Variants in SMAP1 observed in about 807,000 individuals in gnomAD.
The protein encoded by SMAP1 is small ArfGAP 1, also known as stromal membrane-associated protein 1.
A neutral mutation model predicts 58.5 loss-of-function variants in SMAP1; 24 were observed. The ratio of observed to expected loss-of-function variants is 0.41; its 90% CI spans 0.30 to 0.58. The LOEUF is 0.58. Ranked by LOEUF, SMAP1 falls within the 20% of genes least tolerant of loss-of-function variation. The pLI is 0.29. For missense variants in SMAP1, 563 were observed against 566.3 expected (o/e 0.99, Z 0.06); for synonymous variants, 216 against 196.6 (o/e 1.10, Z -0.82).
At position 70,838,650 on chromosome 6, in the gene SMAP1, C is replaced by A. The variant is rs146360174; in HGVS notation, c.664+1622C>A. Among the ~76,000 whole-genome samples, 276 of 151,598 alleles carry A rather than the reference C, an allele frequency of 1.8e-3. 1 individual carries two copies. The highest frequency in any genetic ancestry group is 6.0e-3 in the African/African-American group (249 of 41,270). On this transcript the variant is annotated intron_variant, in intron 7 of 10. Coordinates refer to ENST00000370455, the MANE Select transcript of SMAP1 (RefSeq NM_001044305.3). ...GCAAAGGCTCTTCAGTAGGAGCCTA[C>A]TTGAAGTGTGCAAGGACCAGCAAGG...
intron 2 of SMAP1, among the ~76,000 whole-genome samples, chr6:70,748,136 G>T (rs1766124394): frequency 6.6e-6 from 1 of 152,132 alleles, no homozygotes; most frequent in African/African-American, 2.4e-5. Context: ...TTGCTCCTAT[G>T]CAAGAAATCC....
intron 4 of SMAP1, among the ~76,000 whole-genome samples, chr6:70,787,178 T>C (rs1440708720): frequency 6.6e-6 from 1 of 152,140 alleles, no homozygotes; most frequent in African/African-American, 2.4e-5. Flanking sequence ...TTGACAAACC[T>C]GACAAAAGGA....
At chr6:70,769,056 C>T (rs183959229) in intron 3 of SMAP1, among the ~76,000 whole-genome samples, 4 of 152,206 alleles carry the variant, frequency 2.6e-5, no homozygotes, top group Admixed American at 2.6e-4. Flanking sequence ...TGTAGCTGAG[C>T]AGTTTTGAGT....
In SMAP1 at chr6:70,860,681, C is replaced by G. The variant is rs1349098541; in HGVS notation, c.*347C>G. On this transcript the variant is annotated 3_prime_UTR_variant, in exon 11 of 11. Coordinates refer to ENST00000370455, the MANE Select transcript of SMAP1 (RefSeq NM_001044305.3). ...AGTAGTTATCATGTTAGTAATACCTCTAATAGTATAAACCCCACCCCAAAA... is the reference window on the plus strand; with the variant it reads ...AGTAGTTATCATGTTAGTAATACCTGTAATAGTATAAACCCCACCCCAAAA... 2.4e-6 allele frequency: 1 copy of G among 409,900 alleles called. No homozygotes were observed. Among genetic ancestry groups the G allele is most frequent in the Non-Finnish European group, 4.3e-6 (1 of 232,500 alleles). The allele number at this position is 409,900 out of a possible 1,614,324, so 25.4% of individuals were successfully genotyped here.
At chr6:70,678,142 G>A (rs1379431748) in intron 1 of SMAP1, among the ~76,000 whole-genome samples, 3 of 152,162 alleles carry the variant, frequency 2.0e-5, no homozygotes, top group South Asian at 2.1e-4. Context: ...TTGAGGGTCC[G>A]AAGGAAAGAG....
intron 7 of SMAP1, chr6:70,837,869 A>T (rs7748778): frequency 0.07 from 87,288 of 1,247,464 alleles, 6,628 homozygotes; most frequent in East Asian, 0.49. Context: ...CAAAAAATTG[A>T]TCCTAGTTGT....
At chr6:70,859,341 G>A in intron 10 of SMAP1, 1 of 1,548,666 alleles carries the variant, frequency 6.5e-7, no homozygotes, top group Non-Finnish European at 8.7e-7. Context: ...AATGCAGAAG[G>A]GTGATGCTGT....
chr6:70,755,852 G>A (rs559382641), intron 3 of SMAP1, among the ~76,000 whole-genome samples: 3 of 151,946 alleles, frequency 2.0e-5, no homozygotes, highest in African/African-American at 7.2e-5. Context: ...TTTATGTGAG[G>A]CATTGTGGCA....
chr6:70,700,942 C>T (rs1185931368), intron 1 of SMAP1, among the ~76,000 whole-genome samples: 2 of 152,176 alleles, frequency 1.3e-5, no homozygotes, highest in Non-Finnish European at 2.9e-5. Context: ...GAGCTAGGTC[C>T]TGGAATGGGG....
At chr6:70,852,739 G>A in intron 8 of SMAP1, 75 bp downstream of exon 8, 1 of 1,420,468 alleles carries the variant, frequency 7.0e-7, no homozygotes, top group Non-Finnish European at 9.3e-7. Context: ...TTCAATTTTG[G>A]AAGAATTGTT....
At chr6:70,721,805 T>C (rs964848708) in intron 1 of SMAP1, among the ~76,000 whole-genome samples, 4 of 152,110 alleles carry the variant, frequency 2.6e-5, no homozygotes, top group Admixed American at 6.6e-5. Flanking sequence ...GAAGCAAAAG[T>C]GGGAACCCCT....
At chr6:70,717,649 T>A (rs748501167) in intron 1 of SMAP1, among the ~76,000 whole-genome samples, 2 of 152,216 alleles carry the variant, frequency 1.3e-5, no homozygotes, top group Non-Finnish European at 2.9e-5. Context: ...TATTCAGTAC[T>A]TCTGTGGGAG....
At chr6:70,723,284 A>G (rs1447325069) in intron 1 of SMAP1, among the ~76,000 whole-genome samples, 1 of 152,150 alleles carries the variant, frequency 6.6e-6, no homozygotes, top group Non-Finnish European at 1.5e-5. Flanking sequence ...ATGCCATTGC[A>G]CCAGGCTTTC....
chr6:70,772,216 G>C (rs1047979042), intron 3 of SMAP1, among the ~76,000 whole-genome samples: 3 of 152,130 alleles, frequency 2.0e-5, no homozygotes, highest in African/African-American at 7.2e-5. Flanking sequence ...CATCAGTGTC[G>C]TAAGAAAACA....
At chr6:70,850,955 A>G (rs1771160523) in intron 7 of SMAP1, among the ~76,000 whole-genome samples, 1 of 152,190 alleles carries the variant, frequency 6.6e-6, no homozygotes. Context: ...ATTTTCATGT[A>G]TGAGTCTTAA....
In SMAP1 at chr6:70,857,998, C is replaced by T. The variant is rs772991391; in HGVS notation, c.1038C>T (p.Gly346=). The change falls in exon 10 of 11, where the codon GGC becomes GGT. Residue 346 remains glycine, a synonymous_variant. Coordinates refer to ENST00000370455, the MANE Select transcript of SMAP1 (RefSeq NM_001044305.3). The part of the protein sequence containing the change: ...PAAFQGFPSM[G]VPVPAAPGLI... Reference sequence around the variant, plus strand: ...CATTTCAGGGCTTTCCATCGATGGGCGTGCCTGTGCCTGCAGCTCCTGGCC... The same window carrying T: ...CATTTCAGGGCTTTCCATCGATGGGTGTGCCTGTGCCTGCAGCTCCTGGCC... 1.6e-5 allele frequency: 26 copies of T among 1,613,980 alleles called. No homozygotes were observed. Among genetic ancestry groups the T allele is most frequent in the Non-Finnish European group, 1.9e-5 (23 of 1,180,016 alleles).
intron 1 of SMAP1, among the ~76,000 whole-genome samples, chr6:70,723,483 T>TCCTTCAGATCACTGGTCAAATAGAA (rs1768622057): frequency 6.6e-6 from 1 of 152,170 alleles, no homozygotes; most frequent in African/African-American, 2.4e-5. Flanking sequence ...TTCCCCTAAC[T>TCCTTCAGATCACTGGTCAAATAGAA]CCTTCAGATC....
chr6:70,770,970 C>T (rs1428330481), intron 3 of SMAP1, among the ~76,000 whole-genome samples: 2 of 152,192 alleles, frequency 1.3e-5, no homozygotes, highest in African/African-American at 4.8e-5. Context: ...TTCTAACAGA[C>T]AGGACCCTCA....
At chr6:70,782,437 C>T in intron 4 of SMAP1, among the ~76,000 whole-genome samples, 1 of 152,146 alleles carries the variant, frequency 6.6e-6, no homozygotes, top group East Asian at 1.9e-4. Flanking sequence ...ATAATATCTG[C>T]CACAGATAAC....
Sources: gnomAD v4.1 joint callset for allele counts (sites outside exome capture counted in the v4.1 genomes callset) on GRCh38, gnomAD v4.1.1 for gene constraint, MANE v1.5 for transcripts, NCBI Gene and HGNC (gene_info 2026-07-23, HGNC 2026-07-21) for gene names.